Variants in MCF2L observed in about 807,000 individuals in gnomAD.
The protein encoded by MCF2L is MCF.2 cell line derived transforming sequence like.
Under a neutral mutation model 153.4 loss-of-function variants are expected in MCF2L, and 97 were observed. That is an observed-to-expected ratio of 0.63 (90% confidence interval 0.54 to 0.75). MCF2L has a LOEUF of 0.75. Ranked by LOEUF, MCF2L falls within the 30% of genes least tolerant of loss-of-function variation. The probability of loss-of-function intolerance (pLI) is 0.00; values close to 1 mark genes in which losing one functional copy is unlikely to be tolerated. For missense variants in MCF2L, 1,347 were observed against 1,495.2 expected, an observed-to-expected ratio of 0.90 and a Z score of 1.64; for synonymous variants, 659 against 632.2, an observed-to-expected ratio of 1.04 and a Z score of -0.64.
In MCF2L at chr13:113,062,362, G is replaced by A. The variant is rs568103520; in HGVS notation, c.489+1650G>A. 8.5e-5 allele frequency among the ~76,000 whole-genome samples: 13 copies of A among 152,232 alleles called. No homozygotes were observed. In the South Asian group the frequency reaches 1.2e-3, roughly 15 times the overall value. ...CTCGTGGTGGCTTGTGCAGCTCAGCGCCCCGCAGACAGCTACTCTCTTGGT... is the reference window on the plus strand; with the variant it reads ...CTCGTGGTGGCTTGTGCAGCTCAGCACCCCGCAGACAGCTACTCTCTTGGT... On this transcript the variant is annotated intron_variant, in intron 5 of 29. Coordinates refer to ENST00000535094, the MANE Select transcript of MCF2L (RefSeq NM_001112732.3).
At position 113,096,443 on chromosome 13, in the gene MCF2L, G is replaced by C; in HGVS notation, c.3148G>C (p.Asp1050His). ...CGATGCGCTGCGCGTGAGGAGCGGG[G>C]ACGTGGTGGAGCTGGTGCAGGAGGG... The part of the protein sequence containing the change: ...GPDALRVRSG[D>H]VVELVQEGDE... The change falls in exon 28 of 30, where the codon GAC becomes CAC. Residue 1050 changes from aspartate to histidine, a missense_variant. This residue lies in a region of MCF2L where 383 missense variants were observed against 335.4 expected (regional missense o/e 1.14). Coordinates refer to ENST00000535094, the MANE Select transcript of MCF2L (RefSeq NM_001112732.3). 1.3e-6 allele frequency: 2 copies of C among 1,594,500 alleles called. No homozygotes were observed. Among genetic ancestry groups the C allele is most frequent in the Non-Finnish European group, 1.7e-6 (2 of 1,171,800 alleles).
chr13:113,039,780 C>T (rs1223344893), intron 3 of MCF2L, among the ~76,000 whole-genome samples: 3 of 152,226 alleles, frequency 2.0e-5, no homozygotes, highest in African/African-American at 4.8e-5. Context: ...TAAAATTCTA[C>T]TGACAGACAG....
At chr13:113,003,547 T>C (rs2083503491) in intron 1 of MCF2L, among the ~76,000 whole-genome samples, 1 of 152,200 alleles carries the variant, frequency 6.6e-6, no homozygotes, top group South Asian at 2.1e-4. Context: ...GGGTGCCCCC[T>C]GGTTTTGCAC....
chr13:113,050,289 AGT>A (rs74773597), intron 4 of MCF2L, among the ~76,000 whole-genome samples: 1 of 149,798 alleles, frequency 6.7e-6, no homozygotes, highest in East Asian at 2.0e-4. Flanking sequence ...TGAGTGTGAG[AGT>A]GTGTGTGTGT....
intron 1 of MCF2L, chr13:112,979,321 A>G: frequency 2.5e-6 from 3 of 1,206,110 alleles, no homozygotes; most frequent in Non-Finnish European, 2.1e-6. Context: ...CAGAACTTGC[A>G]CACAGCAGGC....
At chr13:112,935,405 G>A (rs1218211545) in intron 2 of MCF2L, among the ~76,000 whole-genome samples, 9 of 152,100 alleles carry the variant, frequency 5.9e-5, no homozygotes, top group Non-Finnish European at 8.8e-5. Context: ...TTACAGGCAC[G>A]TGTCACCATG....
At chr13:113,067,207 C>T (rs1005732128) in intron 8 of MCF2L, among the ~76,000 whole-genome samples, 1 of 152,014 alleles carries the variant, frequency 6.6e-6, no homozygotes, top group African/African-American at 2.4e-5. Flanking sequence ...GTCCCAGCTA[C>T]GCGGAGGCAG....
In MCF2L at chr13:112,983,004, G is replaced by A. The variant is rs2082494374; in HGVS notation, c.79+13546G>A. On this transcript the variant is annotated intron_variant, in intron 1 of 29. Transcript: ENST00000535094. This position sits in a 1 kb window ranked among gnomAD's most constrained non-coding sequence, Gnocchi z 4.0. ...ATGGTGGTGACGCTCAGGAGGCGCT[G>A]GTTCCAGTGGGGAGGTTGGGGAAAG... is the stretch of plus-strand genomic sequence containing the variant. 6.6e-6 allele frequency among the ~76,000 whole-genome samples: 1 copy of A among 152,150 alleles called. No individual in the cohort carries two copies. Among genetic ancestry groups the A allele is most frequent in the African/African-American group, 2.4e-5 (1 of 41,434 alleles).
chr13:113,090,382 C>T (rs757060106), intron 26 of MCF2L: 8 of 985,356 alleles, frequency 8.1e-6, no homozygotes, highest in African/African-American at 1.7e-5. Context: ...CAAATGGAGG[C>T]TTGCTCAGAA....
intron 1 of MCF2L, among the ~76,000 whole-genome samples, chr13:112,999,915 G>A (rs1053169401): frequency 6.6e-6 from 1 of 151,754 alleles, no homozygotes; most frequent in Non-Finnish European, 1.5e-5. Context: ...GCTGAAGTGC[G>A]GGCGGCGAGT....
chr13:113,060,769 G>GC, intron 5 of MCF2L, 57 bp downstream of exon 5: 1 of 1,594,392 alleles, frequency 6.3e-7, no homozygotes, highest in Non-Finnish European at 8.5e-7. Flanking sequence ...TGCCGTCCTG[G>GC]CCCATCTGTG....
In MCF2L at chr13:113,045,837, T is replaced by A. The variant is rs1331870135; in HGVS notation, c.369+476T>A. On this transcript the variant is annotated intron_variant, in intron 4 of 29. Coordinates refer to ENST00000535094, the MANE Select transcript of MCF2L (RefSeq NM_001112732.3). The surrounding 1 kb of genome is among the most constrained non-coding windows in gnomAD (Gnocchi z 4.2). ...TCCTGACCAGGCAGGACGGGGGCTG[T>A]GTGCAGAGACGCTCCAGGCTGGAAG... The A allele has an allele frequency of 5.6e-6, 1 of 178,022 alleles. No individual in the cohort carries two copies. Among genetic ancestry groups the A allele is most frequent in the Non-Finnish European group, 1.2e-5 (1 of 82,324 alleles). The allele number at this position is 178,022 out of a possible 1,614,324, so 11.0% of individuals were successfully genotyped here. A position where few individuals can be genotyped will look rare whatever the true frequency, so the allele number is the denominator to read the frequency against.
intron 2 of MCF2L, among the ~76,000 whole-genome samples, chr13:113,022,691 C>T (rs1398207498): frequency 1.3e-5 from 2 of 152,228 alleles, no homozygotes; most frequent in Non-Finnish European, 2.9e-5. Context: ...AAAGTTGCCA[C>T]GAGTTCCTGA....
chr13:112,971,204 G>A (rs1204229889), intron 1 of MCF2L, among the ~76,000 whole-genome samples: 1 of 152,164 alleles, frequency 6.6e-6, no homozygotes, highest in Non-Finnish European at 1.5e-5. Context: ...CAGAGTGTAC[G>A]GGTATGTGGT....
At chr13:112,909,404 G>C in intron 2 of MCF2L, 2 of 741,802 alleles carry the variant, frequency 2.7e-6, no homozygotes, top group East Asian at 4.9e-5. Flanking sequence ...ATCCCAAGGG[G>C]CTGTCTGCAG....
chr13:113,091,024 C>T (rs1030674767), intron 26 of MCF2L: 4 of 1,285,004 alleles, frequency 3.1e-6, no homozygotes, highest in Non-Finnish European at 4.1e-6. Context: ...CGTCGGTGTC[C>T]CCTTCCAGCA....
chr13:113,077,677 G>T (rs487784), intron 13 of MCF2L, among the ~76,000 whole-genome samples: 1 of 151,962 alleles, frequency 6.6e-6, no homozygotes, highest in African/African-American at 2.4e-5. Flanking sequence ...AGCCACGTCC[G>T]CGCACCTCAG....
At chr13:113,000,241 G>T (rs775525128) in intron 1 of MCF2L, among the ~76,000 whole-genome samples, 1 of 152,224 alleles carries the variant, frequency 6.6e-6, no homozygotes, top group Non-Finnish European at 1.5e-5. Flanking sequence ...TCAGGGGGCA[G>T]CTCACACCGT....
chr13:112,902,572 C>T (rs571369634), intron 2 of MCF2L, among the ~76,000 whole-genome samples: 2 of 152,284 alleles, frequency 1.3e-5, no homozygotes, highest in East Asian at 1.9e-4. Context: ...CAAGTTGGGA[C>T]GACTTGCCTC....
Sources: gnomAD v4.1 joint callset for allele counts (sites outside exome capture counted in the v4.1 genomes callset) on GRCh38, gnomAD v4.1.1 for gene constraint, gnomAD v4.1.1 regional missense constraint, Gnocchi (gnomAD v3.1) non-coding constraint, MANE v1.5 for transcripts, NCBI Gene and HGNC (gene_info 2026-07-23, HGNC 2026-07-21) for gene names.